The following CCDC192 variants were observed in gnomAD, a reference collection of about 807,000 sequenced individuals.
The protein encoded by CCDC192 is coiled-coil domain-containing protein 192.
At chr5:127,750,344 T>G (rs1754069656) in intron 2 of CCDC192, among the ~76,000 whole-genome samples, 1 of 152,210 alleles carries the variant, frequency 6.6e-6, no homozygotes, top group Non-Finnish European at 1.5e-5. Flanking sequence ...AAAGAACATC[T>G]TTATTTCTGC....
intron 2 of CCDC192, among the ~76,000 whole-genome samples, chr5:127,722,214 G>A (rs1376684237): frequency 1.3e-5 from 2 of 152,156 alleles, no homozygotes; most frequent in Non-Finnish European, 2.9e-5. Flanking sequence ...CTGATGATCA[G>A]TGATGTCAAG....
At chr5:127,714,234 C>G (rs1158029843) in intron 2 of CCDC192, among the ~76,000 whole-genome samples, 1 of 152,154 alleles carries the variant, frequency 6.6e-6, no homozygotes, top group Admixed American at 6.5e-5. Context: ...TCTTTAGTCA[C>G]TCATCCACTG....
At chr5:127,759,076 C>T (rs1298853778) in intron 3 of CCDC192, among the ~76,000 whole-genome samples, 1 of 152,158 alleles carries the variant, frequency 6.6e-6, no homozygotes, top group East Asian at 1.9e-4. Context: ...TCAGGGAGAG[C>T]CCAGGCTTTG....
chr5:127,776,731 C>G (rs1580639453), intron 3 of CCDC192, among the ~76,000 whole-genome samples: 1 of 152,170 alleles, frequency 6.6e-6, no homozygotes, highest in Non-Finnish European at 1.5e-5. Flanking sequence ...GGACTTGGTG[C>G]CCTGCATTCC....
chr5:127,804,298 C>G (rs1228562186), intron 5 of CCDC192, among the ~76,000 whole-genome samples: 1 of 152,188 alleles, frequency 6.6e-6, no homozygotes, highest in Admixed American at 6.5e-5. Context: ...TCTACAATTG[C>G]ATCTCTCCCA....
intron 6 of CCDC192, among the ~76,000 whole-genome samples, chr5:127,915,241 A>G (rs909003973): frequency 1.1e-4 from 17 of 152,222 alleles, no homozygotes; most frequent in African/African-American, 3.9e-4. Flanking sequence ...CTTAATTTTA[A>G]AATACTTTGT....
chr5:127,794,854 A>G (rs1757071659), intron 3 of CCDC192, among the ~76,000 whole-genome samples: 1 of 152,120 alleles, frequency 6.6e-6, no homozygotes, highest in Non-Finnish European at 1.5e-5. Context: ...TATATTTGAG[A>G]AAAAAATAAT....
intron 3 of CCDC192, among the ~76,000 whole-genome samples, chr5:127,759,441 G>A (rs1754791013): frequency 6.6e-6 from 1 of 152,186 alleles, no homozygotes; most frequent in African/African-American, 2.4e-5. Context: ...CTTCCACCAT[G>A]TGAGGACAGA....
intron 3 of CCDC192, among the ~76,000 whole-genome samples, chr5:127,757,988 T>C (rs573008264): frequency 6.6e-6 from 1 of 151,634 alleles, no homozygotes; most frequent in Non-Finnish European, 1.5e-5. Context: ...CCGGGTGAAG[T>C]AGAATGAGGT....
At chr5:127,771,416 T>G (rs1038034084) in intron 3 of CCDC192, among the ~76,000 whole-genome samples, 1 of 152,238 alleles carries the variant, frequency 6.6e-6, no homozygotes, top group Non-Finnish European at 1.5e-5. Flanking sequence ...GTGATTGTTT[T>G]ACGAAGTTTT....
intron 5 of CCDC192, among the ~76,000 whole-genome samples, chr5:127,872,616 G>T (rs1283429062): frequency 6.6e-6 from 1 of 152,168 alleles, no homozygotes; most frequent in African/African-American, 2.4e-5. Context: ...TCCCAGAGCA[G>T]GAGGTCTTTG....
At chr5:127,768,989 TAA>T (rs1182831523) in intron 3 of CCDC192, among the ~76,000 whole-genome samples, 18 of 152,352 alleles carry the variant, frequency 1.2e-4, no homozygotes, top group Middle Eastern at 3.4e-3. Flanking sequence ...GTTTTTAAAT[TAA>T]GTCCCTCCTT....
chr5:127,709,225 GAGAGAGAGAGAGAGAGAGAGAGAA>G (rs1561438757), intron 2 of CCDC192, among the ~76,000 whole-genome samples: 1 of 24,740 alleles, frequency 4.0e-5, no homozygotes, highest in African/African-American at 1.7e-4. Context: ...GAGAGAGAGA[GAGAGAGAGAGAGAGAGAGAGAGAA>G]ATGCTACACA....
At chr5:127,716,149 A>G (rs905713269) in intron 2 of CCDC192, among the ~76,000 whole-genome samples, 3 of 152,056 alleles carry the variant, frequency 2.0e-5, no homozygotes, top group African/African-American at 7.2e-5. Context: ...TGAAATGGTC[A>G]TATGTTTTTG....
chr5:127,855,403 C>T (rs760719246), intron 5 of CCDC192, among the ~76,000 whole-genome samples: 1 of 152,194 alleles, frequency 6.6e-6, no homozygotes, highest in Non-Finnish European at 1.5e-5. Context: ...ATTTCTAATT[C>T]TACTTATCTT....
At chr5:127,924,872 T>C (rs1753822077) in intron 6 of CCDC192, among the ~76,000 whole-genome samples, 1 of 152,214 alleles carries the variant, frequency 6.6e-6, no homozygotes. Context: ...AATGTTTATC[T>C]TTCCCCACTT....
intron 3 of CCDC192, among the ~76,000 whole-genome samples, chr5:127,755,514 T>A (rs1754523942): frequency 6.6e-6 from 1 of 151,632 alleles, no homozygotes; most frequent in South Asian, 2.1e-4. Context: ...TTAATAAAAA[T>A]GTGTTGCCCT....
At chr5:127,905,372 T>C (rs191166678) in intron 6 of CCDC192, among the ~76,000 whole-genome samples, 2 of 152,348 alleles carry the variant, frequency 1.3e-5, no homozygotes, top group South Asian at 2.1e-4. Context: ...TGGAAAAATA[T>C]TGAATATTAT....
intron 5 of CCDC192, among the ~76,000 whole-genome samples, chr5:127,804,376 G>A (rs1418821573): frequency 6.6e-6 from 1 of 152,208 alleles, no homozygotes; most frequent in Non-Finnish European, 1.5e-5. Context: ...GAGTGGACAT[G>A]TGCCAACTGG....
Sources: gnomAD v4.1 joint callset for allele counts (sites outside exome capture counted in the v4.1 genomes callset) on GRCh38, gnomAD v4.1.1 for gene constraint, MANE v1.5 for transcripts, NCBI Gene and HGNC (gene_info 2026-07-23, HGNC 2026-07-21) for gene names.